Variants in FMN2 observed in about 807,000 individuals in gnomAD.
FMN2 encodes the protein formin-2.
In FMN2, 51 loss-of-function variants were observed where a neutral mutation model predicts 142.3. That is an observed-to-expected ratio of 0.36 (90% confidence interval 0.29 to 0.45). The LOEUF (loss-of-function observed/expected upper bound fraction) is 0.45. Among genes scored for constraint, FMN2 ranks in the 20% least tolerant of loss-of-function variants. FMN2 has a pLI of 1.00. For missense variants in FMN2, 1,936 were observed against 2,122.8 expected, an observed-to-expected ratio of 0.91 and a Z score of 1.73; for synonymous variants, 882 against 869.8, an observed-to-expected ratio of 1.01 and a Z score of -0.25.
intron 4 of FMN2, among the ~76,000 whole-genome samples, chr1:240,198,537 T>C (rs1666007759): frequency 6.6e-6 from 1 of 152,200 alleles, no homozygotes; most frequent in Non-Finnish European, 1.5e-5. Context: ...CTAAGGATTC[T>C]AGAGATGCCA....
At chr1:240,277,808 T>A (rs1206301826) in intron 7 of FMN2, among the ~76,000 whole-genome samples, 1 of 152,086 alleles carries the variant, frequency 6.6e-6, no homozygotes, top group East Asian at 1.9e-4. Flanking sequence ...GTGCTAGGAT[T>A]ACAGGTGTGA....
At chr1:240,282,410 T>A (rs1669429782) in intron 7 of FMN2, among the ~76,000 whole-genome samples, 1 of 152,214 alleles carries the variant, frequency 6.6e-6, no homozygotes, top group Non-Finnish European at 1.5e-5. Context: ...AACTAGAGCT[T>A]TTAATCAGAA....
chr1:240,312,927 A>G (rs1430429192), intron 8 of FMN2, among the ~76,000 whole-genome samples: 1 of 152,204 alleles, frequency 6.6e-6, no homozygotes, highest in Non-Finnish European at 1.5e-5. Flanking sequence ...TTATATGTCA[A>G]TGCAAAAGAC....
intron 7 of FMN2, among the ~76,000 whole-genome samples, chr1:240,260,377 G>T (rs1039103864): frequency 2.0e-5 from 3 of 152,100 alleles, no homozygotes; most frequent in African/African-American, 7.2e-5. Flanking sequence ...CAGCAGTGTA[G>T]AAATGTTCCC....
intron 15 of FMN2, among the ~76,000 whole-genome samples, chr1:240,410,153 C>T (rs1441096612): frequency 1.2e-5 from 1 of 84,516 alleles, no homozygotes; most frequent in Non-Finnish European, 2.5e-5. Context: ...GATAACAGTA[C>T]ATAAATCTGA....
intron 16 of FMN2, among the ~76,000 whole-genome samples, chr1:240,455,065 C>T (rs187467839): frequency 1.8e-3 from 276 of 151,906 alleles, no homozygotes; most frequent in Non-Finnish European, 2.9e-3. Context: ...AAATCACTCA[C>T]AGCACACTTT....
chr1:240,193,605 A>G (rs1665798923), intron 4 of FMN2, among the ~76,000 whole-genome samples: 1 of 152,224 alleles, frequency 6.6e-6, no homozygotes, highest in Non-Finnish European at 1.5e-5. Flanking sequence ...GGGGCCAGGG[A>G]GAAGCGCAAT....
At chr1:240,331,644 A>G (rs1257741523) in intron 11 of FMN2, among the ~76,000 whole-genome samples, 3 of 152,104 alleles carry the variant, frequency 2.0e-5, no homozygotes, top group African/African-American at 7.2e-5. Flanking sequence ...CCAGCCAACA[A>G]TTTGTTTATT....
intron 13 of FMN2, chr1:240,341,488 A>AC (rs1235328805): frequency 3.5e-4 from 54 of 152,230 alleles, no homozygotes; most frequent in African/African-American, 1.3e-3. Flanking sequence ...AAAAAAAAAA[A>AC]GTCAGGAAAT....
rs67137806 is a variant in FMN2, at chr1:240,295,189, T to TACAC, written c.4215+339_4215+342dup. On this transcript the variant is annotated intron_variant, in intron 8 of 17. Transcript: ENST00000319653. ...GCCAAGCATTGTTCTGTGCACTTCA[T>TACAC]ACACACACACACACACACACACACA... Among the ~76,000 whole-genome samples the TACAC allele has an allele frequency of 4.1e-3, 586 of 144,180 alleles. 3 individuals are homozygous for TACAC. The highest frequency in any genetic ancestry group is 0.012 in the East Asian group (62 of 5,026). The allele number at this position is 144,180 out of a possible 152,430, so 94.6% of individuals were successfully genotyped here. A position where few individuals can be genotyped will look rare whatever the true frequency, so the allele number is the denominator to read the frequency against.
intron 6 of FMN2, among the ~76,000 whole-genome samples, chr1:240,225,365 G>C (rs138526699): frequency 6.6e-6 from 1 of 152,150 alleles, no homozygotes; most frequent in Non-Finnish European, 1.5e-5. Context: ...AAGGGCCCAG[G>C]GGCCTTAAGA....
At chr1:240,329,272 G>T (rs1217540318) in intron 9 of FMN2, 67 bp from the exon 10 acceptor site, 4 of 1,597,300 alleles carry the variant, frequency 2.5e-6, no homozygotes, top group Non-Finnish European at 3.4e-6. Flanking sequence ...TGTTGTGAAT[G>T]AGATGAGGAT....
At chr1:240,407,850 T>A (rs1376950487) in intron 15 of FMN2, among the ~76,000 whole-genome samples, 2 of 152,174 alleles carry the variant, frequency 1.3e-5, no homozygotes, top group Non-Finnish European at 2.9e-5. Context: ...GTTAGCATAT[T>A]TGCAATGAAA....
intron 4 of FMN2, among the ~76,000 whole-genome samples, chr1:240,205,933 T>C (rs1232276229): frequency 6.7e-6 from 1 of 150,140 alleles, no homozygotes; most frequent in Non-Finnish European, 1.5e-5. Context: ...TCTCACTCTG[T>C]TTCCCAGGCG....
chr1:240,242,583 A>G (rs913424054), intron 6 of FMN2, among the ~76,000 whole-genome samples: 9 of 152,196 alleles, frequency 5.9e-5, no homozygotes, highest in African/African-American at 2.2e-4. Flanking sequence ...CAACCAGGAG[A>G]CACAGCTCTC....
At chr1:240,458,591 T>TA (rs1314289491) in intron 16 of FMN2, 1 of 152,198 alleles carries the variant, frequency 6.6e-6, no homozygotes, top group Non-Finnish European at 1.5e-5. Context: ...CTGGCTTTAA[T>TA]AAAAAACTTT....
At chr1:240,143,271 T>C in intron 2 of FMN2, 1 of 1,555,596 alleles carries the variant, frequency 6.4e-7, no homozygotes, top group Non-Finnish European at 8.9e-7. Flanking sequence ...GCTTAGGGTA[T>C]CCAGGATGTT....
At chr1:240,199,136 A>G (rs936433492) in intron 4 of FMN2, among the ~76,000 whole-genome samples, 2 of 152,280 alleles carry the variant, frequency 1.3e-5, no homozygotes, top group African/African-American at 2.4e-5. Flanking sequence ...CAATATGACA[A>G]ATAGAGAATT....
intron 2 of FMN2, 54 bp from the exon 3 acceptor site, chr1:240,177,863 GCTTA>G: frequency 2.1e-6 from 3 of 1,432,790 alleles, no homozygotes; most frequent in Non-Finnish European, 2.8e-6. Flanking sequence ...ATTAGTCATG[GCTTA>G]TTTTTTTGTA....
Sources: allele counts gnomAD v4.1 joint callset (sites outside exome capture counted in the v4.1 genomes callset), GRCh38; gene constraint gnomAD v4.1.1; transcripts MANE v1.5; gene names NCBI Gene and HGNC (gene_info 2026-07-23, HGNC 2026-07-21).